GARS1: variants seen among roughly 807,000 people sequenced by gnomAD.
GARS1 encodes the protein glycine--tRNA ligase.
GARS1 carries 46 observed loss-of-function variants against 86.4 expected under a neutral mutation model. The observed-to-expected ratio is 0.53, with a 90% CI of 0.42 to 0.68. The LOEUF (loss-of-function observed/expected upper bound fraction) is 0.68. Ranked by LOEUF, GARS1 falls within the 30% of genes least tolerant of loss-of-function variation. The probability of loss-of-function intolerance (pLI) is 0.00; values close to 1 mark genes in which losing one functional copy is unlikely to be tolerated. For synonymous variants in GARS1, 342 were observed against 329.8 expected, an observed-to-expected ratio of 1.04 and a Z score of -0.40; for missense variants, 797 against 915.6, an observed-to-expected ratio of 0.87 and a Z score of 1.67.
At chr7:30,594,861 G>A (rs1044146793), upstream of GARS1, 38 of 1,400,802 alleles carry the variant, frequency 2.7e-5, no homozygotes, top group Non-Finnish European at 3.3e-5. Context: ...CATGCTCCGA[G>A]CCGGGCGGCG....
intron 1 of GARS1, among the ~76,000 whole-genome samples, chr7:30,596,363 C>T (rs977665671): frequency 6.6e-6 from 1 of 152,198 alleles, no homozygotes; most frequent in African/African-American, 2.4e-5. Context: ...ATTGCATATT[C>T]TGTCTCCCTC....
At chr7:30,623,115 A>C (rs1024181734) in intron 12 of GARS1, among the ~76,000 whole-genome samples, 5 of 129,152 alleles carry the variant, frequency 3.9e-5, no homozygotes, top group Non-Finnish European at 8.2e-5. Context: ...AAAAAAAAAC[A>C]AAAAAAAAAA....
At chr7:30,613,285 G>A (rs1243077877) in intron 8 of GARS1, among the ~76,000 whole-genome samples, 2 of 152,242 alleles carry the variant, frequency 1.3e-5, no homozygotes, top group Non-Finnish European at 2.9e-5. Context: ...GAGAAAGTTG[G>A]GGGAATGACC....
chr7:30,633,863 A>T lies in GARS1; in HGVS notation c.*3A>T. ...AAAAAGAGACAATCGAGGAATGAGGACAATTTTGACAACTTTTGACCACTT... is the reference window on the plus strand; with the variant it reads ...AAAAAGAGACAATCGAGGAATGAGGTCAATTTTGACAACTTTTGACCACTT... On this transcript the variant is annotated 3_prime_UTR_variant, in exon 17 of 17. Transcript: ENST00000389266. 3.1e-6 allele frequency: 5 copies of T among 1,608,168 alleles called. No individual in the cohort carries two copies. The highest frequency in any genetic ancestry group is 4.2e-6 in the Non-Finnish European group (5 of 1,177,220).
chr7:30,624,318 A>T (rs1365199984), intron 12 of GARS1, among the ~76,000 whole-genome samples: 1 of 152,200 alleles, frequency 6.6e-6, no homozygotes, highest in Non-Finnish European at 1.5e-5. Context: ...GAAAGTTTAG[A>T]TGTACCCAGA....
In GARS1 at chr7:30,622,371, T is replaced by C. The variant is rs1783029693; in HGVS notation, c.1522T>C (p.Tyr508His). ...CAGTAAGGGAGCAATTGGTAAGGCATATAAGAAGGATGCAAAACTGGTGAT... is the reference window on the plus strand; with the variant it reads ...CAGTAAGGGAGCAATTGGTAAGGCACATAAGAAGGATGCAAAACTGGTGAT... ...EPSKGAIGKAYKKDAKLVMEY... is the reference protein window; with the variant it reads ...EPSKGAIGKAHKKDAKLVMEY... The change falls in exon 12 of 17, where the codon TAT becomes CAT. Residue 508 changes from tyrosine to histidine, a missense_variant. Coordinates refer to ENST00000389266, the MANE Select transcript of GARS1 (RefSeq NM_002047.4). The C allele has an allele frequency of 2.5e-6, 4 of 1,614,024 alleles. No individual in the cohort carries two copies.
chr7:30,598,176 A>G (rs901837901), intron 1 of GARS1, among the ~76,000 whole-genome samples: 11 of 152,118 alleles, frequency 7.2e-5, no homozygotes, highest in African/African-American at 2.4e-4. Flanking sequence ...TGTTCTCAGT[A>G]CAAATCTTGC....
intron 12 of GARS1, among the ~76,000 whole-genome samples, chr7:30,623,186 A>G (rs911423939): frequency 9.9e-5 from 15 of 151,992 alleles, no homozygotes; most frequent in African/African-American, 3.4e-4. Context: ...TAAAACTTAC[A>G]ATATCCAGCA....
intron 4 of GARS1, 27 bp from the exon 5 acceptor site, chr7:30,603,007 A>C (rs767336309): frequency 6.7e-7 from 1 of 1,500,938 alleles, no homozygotes; most frequent in East Asian, 2.3e-5. Context: ...TGAGAATGAC[A>C]AATTGGGTTG....
chr7:30,608,531 A>G (rs574560829), intron 6 of GARS1, among the ~76,000 whole-genome samples: 2 of 152,314 alleles, frequency 1.3e-5, no homozygotes, highest in South Asian at 4.1e-4. Context: ...AATTCTGTAG[A>G]AATAGAGTCT....
At chr7:30,600,337 G>A (rs930395112) in intron 3 of GARS1, among the ~76,000 whole-genome samples, 1 of 152,188 alleles carries the variant, frequency 6.6e-6, no homozygotes, top group East Asian at 1.9e-4. Context: ...TTTTTAAAAT[G>A]CAATGGAGAC....
At chr7:30,604,430 ATC>A (rs143051111) in intron 6 of GARS1, among the ~76,000 whole-genome samples, 111 of 147,880 alleles carry the variant, frequency 7.5e-4, no homozygotes, top group Non-Finnish European at 6.2e-4. Context: ...CTTTACACCG[ATC>A]TCTCTCTCTC....
chr7:30,595,838 G>A (rs1190339841), intron 1 of GARS1: 1 of 471,176 alleles, frequency 2.1e-6, no homozygotes, highest in South Asian at 1.5e-5. Context: ...TTTGGAACCA[G>A]TGAGCCCTCA....
chr7:30,622,257 G>T lies in GARS1; in HGVS notation c.1468-60G>T, dbSNP rs1053662358. On this transcript the variant is annotated intron_variant, in intron 11 of 16. Coordinates refer to ENST00000389266, the MANE Select transcript of GARS1 (RefSeq NM_002047.4). ...TAAGTTGATGATTGATTGTTCTCAG[G>T]CTCATTTTCTGAAATACTGAGGCAG... 2.5e-6 allele frequency: 4 copies of T among 1,594,808 alleles called. No homozygotes were observed. In the African/African-American group the frequency reaches 5.4e-5, roughly 21 times the overall value.
chr7:30,595,747 G>C (rs1584018448), intron 1 of GARS1: 1 of 470,980 alleles, frequency 2.1e-6, no homozygotes, highest in Non-Finnish European at 4.4e-6. Context: ...GTGGATGTGG[G>C]GAGGTGTCGA....
intron 10 of GARS1, 107 bp downstream of exon 10, chr7:30,617,385 G>A: frequency 7.6e-7 from 1 of 1,324,168 alleles, no homozygotes; most frequent in Non-Finnish European, 1.1e-6. Flanking sequence ...AAAGGGAAAA[G>A]AAAAGAGATC....
chr7:30,615,989 GTATTC>G lies in GARS1; in HGVS notation c.1126_1130del (p.Tyr376SerfsTer20). On this transcript the variant is annotated frameshift_variant, in exon 9 of 17. Transcript: ENST00000389266. LOFTEE classifies it high-confidence loss of function. The stretch of plus-strand genomic sequence containing the variant: ...ATGTGGCAGACCTTCACCTTTATTT[GTATTC>G]AGCAAAAGCCCAGGTCAGCGGACAG... The G allele has an allele frequency of 6.2e-7, 1 of 1,614,182 alleles. No individual in the cohort carries two copies. The highest frequency in any genetic ancestry group is 2.2e-5 in the East Asian group (1 of 44,886).
At chr7:30,600,627 G>GACTT (rs1254368471) in intron 3 of GARS1, among the ~76,000 whole-genome samples, 1 of 152,224 alleles carries the variant, frequency 6.6e-6, no homozygotes, top group Non-Finnish European at 1.5e-5. Flanking sequence ...ACTTGAGTTT[G>GACTT]GCTAAGTGGA....
At chr7:30,617,017 C>A in intron 9 of GARS1, 97 bp from the exon 10 acceptor site, 1 of 1,203,026 alleles carries the variant, frequency 8.3e-7, no homozygotes, top group Non-Finnish European at 1.2e-6. Context: ...AAATATTTTT[C>A]AGTAGAGTGA....
Sources: gnomAD v4.1 joint callset for allele counts (sites outside exome capture counted in the v4.1 genomes callset) on GRCh38, gnomAD v4.1.1 for gene constraint, MANE v1.5 for transcripts, NCBI Gene and HGNC (gene_info 2026-07-23, HGNC 2026-07-21) for gene names.